MARCHF11: variants seen among roughly 807,000 people sequenced by gnomAD.
MARCHF11 encodes membrane associated ring-CH-type finger 11.
A neutral mutation model predicts 37.3 loss-of-function variants in MARCHF11; 29 were observed. That is an observed-to-expected ratio of 0.78 (90% CI 0.58 to 1.06). MARCHF11 has a LOEUF of 1.06. Among genes scored for constraint, MARCHF11 ranks in the 50% least tolerant of loss-of-function variants. The pLI is 0.00. For synonymous variants in MARCHF11, 233 were observed against 228.0 expected (o/e 1.02, Z -0.20); for missense variants, 482 against 533.4 (o/e 0.90, Z 0.95).
Position 16,067,678 on chromosome 5 carries a change from G to T in MARCHF11, c.1002C>A (p.Ser334Arg). ...YDKATDIEESSRGESSTSRTL... is the reference protein window; with the variant it reads ...YDKATDIEESRRGESSTSRTL... ...TCCTACTTGTGGAAGACTCTCCCCG[G>T]CTGCTTTCTTCGATGTCTGTGGCTT... is the stretch of plus-strand genomic sequence containing the variant. Residue 334 changes from serine to arginine, a missense_variant, in exon 4 of 4, where the codon AGC becomes AGA. Physicochemically the swap from Ser to Arg is moderately radical, Grantham distance 110 (BLOSUM62 -1). Transcript: ENST00000332432. The T allele has an allele frequency of 6.2e-7, 1 of 1,613,940 alleles. No individual in the cohort carries two copies. Among genetic ancestry groups the T allele is most frequent in the Non-Finnish European group, 8.5e-7 (1 of 1,179,856 alleles).
intron 2 of MARCHF11, among the ~76,000 whole-genome samples, chr5:16,118,163 G>A (rs1297586329): frequency 5.3e-5 from 8 of 152,182 alleles, no homozygotes; most frequent in African/African-American, 1.9e-4. Context: ...TAGATGGGAC[G>A]CGCGGGGGGA....
At chr5:16,073,029 A>G (rs1327898338) in intron 3 of MARCHF11, among the ~76,000 whole-genome samples, 4 of 152,212 alleles carry the variant, frequency 2.6e-5, no homozygotes, top group African/African-American at 9.7e-5. Flanking sequence ...CAGTTTACCT[A>G]CAGTCCCAAT....
rs377086697 is a variant in MARCHF11, at chr5:16,144,607, C to A, written c.693+33119G>T. ...TAAGGCGTGCATTCTGATTCTTAAT[C>A]AAGGAATGAAATCTGTGTATAAAAC... On this transcript the variant is annotated intron_variant, in intron 2 of 3. Coordinates refer to ENST00000332432, the MANE Select transcript of MARCHF11 (RefSeq NM_001102562.3). Among the ~76,000 whole-genome samples, 169 of 152,222 alleles carry A rather than the reference C, an allele frequency of 1.1e-3. 5 individuals carry two copies. The highest frequency in any genetic ancestry group is 6.8e-3 in the South Asian group (33 of 4,822).
intron 2 of MARCHF11, among the ~76,000 whole-genome samples, chr5:16,161,371 A>G (rs1029846041): frequency 5.9e-5 from 9 of 151,734 alleles, no homozygotes; most frequent in Admixed American, 5.9e-4. Flanking sequence ...TGAAATGACC[A>G]TCGCTTTTCT....
chr5:16,103,198 G>A (rs1179368126), intron 2 of MARCHF11, among the ~76,000 whole-genome samples: 1 of 152,038 alleles, frequency 6.6e-6, no homozygotes, highest in Non-Finnish European at 1.5e-5. Flanking sequence ...TATGGTGCTT[G>A]ACGAATGGAG....
Position 16,134,998 on chromosome 5 carries a change from T to TCACACA in MARCHF11, c.693+42722_693+42727dup, listed in dbSNP as rs1553996992. On this transcript the variant is annotated intron_variant, in intron 2 of 3. Coordinates refer to ENST00000332432, the MANE Select transcript of MARCHF11 (RefSeq NM_001102562.3). ...TGATTTCTCTCTCTCTCTCTCTCTC[T>TCACACA]CACACACACACACACACACACACAC... Among the ~76,000 whole-genome samples, 919 of 143,796 alleles carry TCACACA rather than the reference T, an allele frequency of 6.4e-3. 7 individuals are homozygous for TCACACA. Among genetic ancestry groups the TCACACA allele is most frequent in the East Asian group, 0.022 (106 of 4,730 alleles). The allele number at this position is 143,796 out of a possible 152,430, so 94.3% of individuals were successfully genotyped here.
At chr5:16,090,799 C>A in intron 3 of MARCHF11, 90 bp downstream of exon 3, 1 of 1,037,966 alleles carries the variant, frequency 9.6e-7, no homozygotes, top group Non-Finnish European at 1.3e-6. Context: ...CAATCCACAA[C>A]ATTCTCTATT....
intron 2 of MARCHF11, among the ~76,000 whole-genome samples, chr5:16,161,246 AAGCAATC>A (rs1738072363): frequency 7.2e-6 from 1 of 138,850 alleles, no homozygotes; most frequent in Non-Finnish European, 1.5e-5. Context: ...TCCACTATGA[AAGCAATC>A]AGCCAAATTC....
At chr5:16,098,486 GC>G in intron 2 of MARCHF11, among the ~76,000 whole-genome samples, 1 of 152,154 alleles carries the variant, frequency 6.6e-6, no homozygotes. Flanking sequence ...AAGATAACAG[GC>G]AGAGTGTGGT....
At chr5:16,081,951 C>A (rs1413192780) in intron 3 of MARCHF11, among the ~76,000 whole-genome samples, 3 of 152,048 alleles carry the variant, frequency 2.0e-5, no homozygotes, top group Non-Finnish European at 1.5e-5. Context: ...ATTTTAAAGG[C>A]AATGGTATCA....
At chr5:16,166,448 C>A (rs1242705637) in intron 2 of MARCHF11, among the ~76,000 whole-genome samples, 1 of 45,116 alleles carries the variant, frequency 2.2e-5, no homozygotes, top group East Asian at 8.0e-4. Flanking sequence ...TAAAATGGAT[C>A]ATGTGATACT....
At chr5:16,126,219 G>A (rs1032129244) in intron 2 of MARCHF11, among the ~76,000 whole-genome samples, 1 of 152,176 alleles carries the variant, frequency 6.6e-6, no homozygotes, top group African/African-American at 2.4e-5. Context: ...AGCTGGGGTA[G>A]TGAGTGAAAG....
chr5:16,106,318 C>G (rs10068941), intron 2 of MARCHF11, among the ~76,000 whole-genome samples: 6,986 of 152,238 alleles, frequency 0.046, 438 homozygotes, highest in African/African-American at 0.15. Flanking sequence ...GTGTGTTCGG[C>G]AATCTGATAG....
intron 3 of MARCHF11, among the ~76,000 whole-genome samples, chr5:16,082,169 C>T (rs540725863): frequency 8.3e-4 from 126 of 152,298 alleles, no homozygotes; most frequent in African/African-American, 2.9e-3. Context: ...AGGGGCTTTC[C>T]CAGTATGTGC....
At chr5:16,161,368 A>C (rs775591801) in intron 2 of MARCHF11, among the ~76,000 whole-genome samples, 1 of 151,566 alleles carries the variant, frequency 6.6e-6, no homozygotes, top group Non-Finnish European at 1.5e-5. Flanking sequence ...TCATGAAATG[A>C]CCATCGCTTT....
intron 2 of MARCHF11, among the ~76,000 whole-genome samples, chr5:16,092,845 G>C (rs942616137): frequency 6.6e-6 from 1 of 152,178 alleles, no homozygotes; most frequent in African/African-American, 2.4e-5. Context: ...TTTGTTCCTA[G>C]TTTACTGACA....
At chr5:16,178,597 C>G (rs1410899682) in intron 1 of MARCHF11, among the ~76,000 whole-genome samples, 1 of 152,192 alleles carries the variant, frequency 6.6e-6, no homozygotes, top group South Asian at 2.1e-4. Context: ...GATTAAGTCA[C>G]CCAAATTTGC....
At chr5:16,160,508 C>T (rs1316712967) in intron 2 of MARCHF11, among the ~76,000 whole-genome samples, 2 of 149,884 alleles carry the variant, frequency 1.3e-5, no homozygotes, top group Non-Finnish European at 3.0e-5. Context: ...ACTTGTTGCA[C>T]CCAGCTATAC....
chr5:16,145,741 GA>G (rs80318508), intron 2 of MARCHF11, among the ~76,000 whole-genome samples: 3 of 150,376 alleles, frequency 2.0e-5, no homozygotes, highest in Admixed American at 6.6e-5. Flanking sequence ...AAGATTTTAT[GA>G]AAAAAAAATA....
Sources: allele counts gnomAD v4.1 joint callset (sites outside exome capture counted in the v4.1 genomes callset), GRCh38; gene constraint gnomAD v4.1.1; transcripts MANE v1.5; gene names NCBI Gene and HGNC (gene_info 2026-07-23, HGNC 2026-07-21).